ITIH6: variants seen among roughly 807,000 people sequenced by gnomAD.
ITIH6 encodes inter-alpha-trypsin inhibitor heavy chain H6.
Under a neutral mutation model 58.2 loss-of-function variants are expected in ITIH6, and 60 were observed. The observed-to-expected ratio is 1.03, with a 90% CI of 0.84 to 1.28. The LOEUF (loss-of-function observed/expected upper bound fraction) is 1.28. Ranked by LOEUF, ITIH6 falls within the 50% of genes most tolerant of loss-of-function variation. The pLI is 0.00. For synonymous variants in ITIH6, 493 were observed against 417.4 expected (o/e 1.18, Z -2.21); for missense variants, 1,290 against 1,021.1 (o/e 1.26, Z -3.59).
chrX:54,758,696 G>A lies in ITIH6; in HGVS notation c.1378C>T (p.Leu460=), dbSNP rs760888624. 8.3e-7 allele frequency: 1 copy of A among 1,211,695 alleles called. No individual in the cohort carries two copies. The highest frequency in any genetic ancestry group is 1.1e-6 in the Non-Finnish European group (1 of 895,422). ...RRIYEDTDAA[L]QLKGLYEEIS... ...TCCTCATAGAGGCCCTTCAGCTGTA[G>A]GGCCGCATCAGTGTCCTCATATATG... Residue 460 remains leucine, a synonymous_variant, in exon 8 of 13, where the codon CTA becomes TTA. Coordinates refer to ENST00000218436, the MANE Select transcript of ITIH6 (RefSeq NM_198510.3).
chrX:54,758,847 C>T lies in ITIH6; in HGVS notation c.1227G>A (p.Val409=). The T allele has an allele frequency of 8.3e-7, 1 of 1,211,629 alleles. No homozygotes were observed. Among genetic ancestry groups the T allele is most frequent in the Non-Finnish European group, 1.1e-6 (1 of 895,461 alleles). ...EPTAGVTTPS[V]ILSNVRQALG... ...GCGCCTGACGGACATTGGAGAGGATCACACTGGGGGTCGTCACGCCGGCCG... is the reference window on the plus strand; with the variant it reads ...GCGCCTGACGGACATTGGAGAGGATTACACTGGGGGTCGTCACGCCGGCCG... The change falls in exon 8 of 13, where the codon GTG becomes GTA. Residue 409 remains valine (V), a synonymous_variant. Coordinates refer to ENST00000218436, the MANE Select transcript of ITIH6 (RefSeq NM_198510.3).
chrX:54,778,275 A>G (rs1294188828), intron 5 of ITIH6, among the ~76,000 whole-genome samples: 1 of 107,204 alleles, frequency 9.3e-6, no homozygotes. Context: ...GCTCACTACA[A>G]CCTCTGCCTC....
At chrX:54,794,000 G>T (rs748270882) in intron 2 of ITIH6, among the ~76,000 whole-genome samples, 15 of 111,866 alleles carry the variant, frequency 1.3e-4, no homozygotes, top group Middle Eastern at 4.6e-3. Flanking sequence ...TTTACAAGTG[G>T]AGTAACTGAG....
chrX:54,753,859 C>A, intron 10 of ITIH6, 71 bp downstream of exon 10: 1 of 1,127,883 alleles, frequency 8.9e-7, no homozygotes, highest in Admixed American at 2.2e-5. Flanking sequence ...ATGTCTATTT[C>A]CCCAGCCCCA....
chrX:54,792,531 G>A (rs1029342308), intron 2 of ITIH6, among the ~76,000 whole-genome samples: 4 of 111,356 alleles, frequency 3.6e-5, no homozygotes, highest in Admixed American at 2.9e-4. Context: ...AATATATTGG[G>A]TAAATAATAT....
intron 5 of ITIH6, among the ~76,000 whole-genome samples, chrX:54,784,840 T>C (rs1929214129): frequency 8.9e-6 from 1 of 111,953 alleles, no homozygotes; most frequent in South Asian, 3.8e-4. Flanking sequence ...ATTCCACTTC[T>C]GGGTATATAC....
chrX:54,772,581 T>C (rs1408452587), intron 6 of ITIH6, among the ~76,000 whole-genome samples: 3 of 112,491 alleles, frequency 2.7e-5, no homozygotes, highest in Non-Finnish European at 5.6e-5. Context: ...AGTCTGGCTG[T>C]GATGTTTGTT....
intron 6 of ITIH6, among the ~76,000 whole-genome samples, chrX:54,771,469 C>T (rs1347876913): frequency 8.9e-6 from 1 of 112,071 alleles, no homozygotes; most frequent in Non-Finnish European, 1.9e-5. Context: ...GTCCAGTCTA[C>T]TGATGAGTGA....
At chrX:54,767,376 G>T (rs1478307308) in intron 6 of ITIH6, among the ~76,000 whole-genome samples, 52 of 107,040 alleles carry the variant, frequency 4.9e-4, no homozygotes, top group South Asian at 8.1e-4. Flanking sequence ...GGGTTTTTTT[G>T]TGTCTCTATT....
rs1489579476 is a variant in ITIH6, at chrX:54,753,677, A to G, written c.3326T>C (p.Leu1109Pro). Residue 1109 changes from leucine to proline, a missense_variant, in exon 11 of 13, where the codon CTG (leucine) becomes CCG (proline). Coordinates refer to ENST00000218436, the MANE Select transcript of ITIH6 (RefSeq NM_198510.3). ...TGCCTTTGGGTCCTCTATGAGCTGC[A>G]GCAAGTCCCCAGGGTGCCCATTCAG... ...FTLNGHPGDLLQLIEDPKAGL... is the reference protein window; with the variant it reads ...FTLNGHPGDLPQLIEDPKAGL... 1.7e-6 allele frequency: 2 copies of G among 1,210,503 alleles called. No homozygotes were observed. The highest frequency in any genetic ancestry group is 4.3e-5 in the Admixed American group (2 of 46,006).
chrX:54,761,526 G>C (rs1928644812), intron 6 of ITIH6, among the ~76,000 whole-genome samples: 1 of 111,371 alleles, frequency 9.0e-6, no homozygotes, highest in South Asian at 3.8e-4. Flanking sequence ...CCTACGTCCT[G>C]AATGGTATTG....
intron 2 of ITIH6, among the ~76,000 whole-genome samples, chrX:54,795,566 C>A (rs1479315161): frequency 8.9e-6 from 1 of 111,870 alleles, no homozygotes. Flanking sequence ...ACTCTTCTAC[C>A]TCTTGTCTGT....
In ITIH6 at chrX:54,770,053, C is replaced by T. The variant is rs371339346; in HGVS notation, c.903+4028G>A. On this transcript the variant is annotated intron_variant, in intron 6 of 12. Coordinates refer to ENST00000218436, the MANE Select transcript of ITIH6 (RefSeq NM_198510.3). The stretch of plus-strand genomic sequence containing the variant: ...GAGATTCCGTGGGCGTAGGACCCTC[C>T]GAGCCAGGTGTGGGATATAGTCTCA... Among the ~76,000 whole-genome samples the T allele has an allele frequency of 1.5e-4, 17 of 112,042 alleles. No homozygotes were observed. In the South Asian group the frequency reaches 2.6e-3, roughly 17 times the overall value.
rs1416350088 is a variant in ITIH6, at chrX:54,750,023, C to G, written c.3814G>C (p.Val1272Leu). The change falls in exon 13 of 13, where the codon GTG becomes CTG. Residue 1272 changes from valine (V) to leucine (L), a missense_variant. Val to Leu is a conservative substitution (Grantham distance 32). Coordinates refer to ENST00000218436, the MANE Select transcript of ITIH6 (RefSeq NM_198510.3). ...LRRHHGPDVP[V>L]ILGKRLLKDS... Reference sequence around the variant, plus strand: ...TTCAGCAGCCTCTTGCCTAGAATCACAGGCACATCTGGGCCATGGTGCCTT... The same window carrying G: ...TTCAGCAGCCTCTTGCCTAGAATCAGAGGCACATCTGGGCCATGGTGCCTT... 8.3e-7 allele frequency: 1 copy of G among 1,210,892 alleles called. No individual in the cohort carries two copies. The highest frequency in any genetic ancestry group is 2.2e-5 in the Admixed American group (1 of 46,058).
At chrX:54,759,149 C>T in intron 7 of ITIH6, 151 bp from the exon 8 acceptor site, 1 of 437,087 alleles carries the variant, frequency 2.3e-6, no homozygotes, top group East Asian at 3.7e-5. Context: ...CTTCTCCACT[C>T]CCACCCAGAC....
chrX:54,780,407 G>A (rs1316543474), intron 5 of ITIH6, among the ~76,000 whole-genome samples: 1 of 112,029 alleles, frequency 8.9e-6, no homozygotes, highest in African/African-American at 3.2e-5. Flanking sequence ...TAAACAACAT[G>A]CTCCTGAATG....
chrX:54,753,977 A>T lies in ITIH6; in HGVS notation c.3203-12T>A, dbSNP rs1320518155. 1 of 1,204,912 alleles carries T rather than the reference A, an allele frequency of 8.3e-7. No homozygotes were observed. Among genetic ancestry groups the T allele is most frequent in the East Asian group, 3.0e-5 (1 of 33,728 alleles). On this transcript the variant is annotated splice_polypyrimidine_tract_variant and intron_variant, in intron 9 of 12. Coordinates refer to ENST00000218436, the MANE Select transcript of ITIH6 (RefSeq NM_198510.3). ...GCTAGGCAATGTGCCTGCAAAGGAG[A>T]GAGAGACTGTGTTGGGAAGGGACTA...
rs143515399 is a variant in ITIH6, at chrX:54,750,046, C to T, written c.3791G>A (p.Arg1264Lys). Residue 1264 changes from arginine (R) to lysine (K), a missense_variant, in exon 13 of 13, where the codon AGG (arginine) becomes AAG (lysine). By Grantham distance (26) the Arg-to-Lys change is conservative. Transcript: ENST00000218436. ...CACAGGCACATCTGGGCCATGGTGC[C>T]TTCGTAAGCATGGCCCCATAGGTCC... ...VTGPMGPCLR[R>K]HHGPDVPVIL... 905 of 1,209,781 alleles carry T rather than the reference C, an allele frequency of 7.5e-4. 5 individuals carry two copies. The African/African-American group carries it at 0.014, about 19-fold the overall frequency.
In ITIH6 at chrX:54,749,994, G is replaced by A; in HGVS notation, c.3843C>T (p.Asp1281=). 1.7e-6 allele frequency: 2 copies of A among 1,211,618 alleles called. No homozygotes were observed. Among genetic ancestry groups the A allele is most frequent in the South Asian group, 3.5e-5 (2 of 56,958 alleles). The change falls in exon 13 of 13, where the codon GAC becomes GAT. Residue 1281 remains aspartate, a synonymous_variant. Transcript: ENST00000218436. Reference sequence around the variant, plus strand: ...CCCAGCGGGGCAGCAGCCTTGGTGAGTCCTTCAGCAGCCTCTTGCCTAGAA... The same window carrying A: ...CCCAGCGGGGCAGCAGCCTTGGTGAATCCTTCAGCAGCCTCTTGCCTAGAA... ...PVILGKRLLK[D]SPRLLPRWAS... is the part of the protein sequence containing the mutation.
Sources: gnomAD v4.1 joint callset for allele counts (sites outside exome capture counted in the v4.1 genomes callset) on GRCh38, gnomAD v4.1.1 for gene constraint, MANE v1.5 for transcripts, NCBI Gene and HGNC (gene_info 2026-07-23, HGNC 2026-07-21) for gene names.